OLFM3: variants seen among roughly 807,000 people sequenced by gnomAD.
The protein encoded by OLFM3 is noelin-3.
In OLFM3, 20 loss-of-function variants were observed where a neutral mutation model predicts 48.6. The observed-to-expected ratio is 0.41, with a 90% confidence interval of 0.29 to 0.60. The LOEUF (loss-of-function observed/expected upper bound fraction) is 0.60, where lower values mean the gene tolerates loss of function less well. OLFM3 is among the 20% of genes least tolerant of loss of function. The pLI is 0.28. For synonymous variants in OLFM3, 222 were observed against 198.1 expected (o/e 1.12, Z -1.01); for missense variants, 437 against 544.3 (o/e 0.80, Z 1.96).
intron 2 of OLFM3, among the ~76,000 whole-genome samples, chr1:101,834,536 A>C (rs977023079): frequency 2.6e-5 from 4 of 152,196 alleles, no homozygotes; most frequent in African/African-American, 9.6e-5. Context: ...GGACTGGCTC[A>C]GTCTGAAATA....
At chr1:101,948,501 G>C (rs1401953439) in intron 1 of OLFM3, among the ~76,000 whole-genome samples, 2 of 151,902 alleles carry the variant, frequency 1.3e-5, no homozygotes, top group Non-Finnish European at 2.9e-5. Flanking sequence ...AGTCAGATTT[G>C]TTTAGGTAAT....
chr1:101,812,222 T>C (rs1426259378), intron 4 of OLFM3, among the ~76,000 whole-genome samples: 1 of 152,004 alleles, frequency 6.6e-6, no homozygotes, highest in East Asian at 1.9e-4. Flanking sequence ...TATTAGGAGA[T>C]ATACCTAATG....
Position 101,966,317 on chromosome 1 carries a change from T to TTGTGTGTGTGTG in OLFM3, c.69+30419_69+30430dup, listed in dbSNP as rs60173488. Among the ~76,000 whole-genome samples, 115 of 128,146 alleles carry TTGTGTGTGTGTG rather than the reference T, an allele frequency of 9.0e-4. 1 individual carries two copies. The highest frequency in any genetic ancestry group is 1.2e-3 in the African/African-American group (39 of 33,588). The allele number at this position is 128,146 out of a possible 152,430, so 84.1% of individuals were successfully genotyped here. ...GTAGCTGGCACCACACCTGGCTAAT[T>TTGTGTGTGTGTG]TGTGTGTGTGTGTGTGTGTGTGTGT... On this transcript the variant is annotated intron_variant, in intron 1 of 5. Transcript: ENST00000370103.
At chr1:101,862,713 T>C (rs1422978238) in intron 1 of OLFM3, among the ~76,000 whole-genome samples, 5 of 152,210 alleles carry the variant, frequency 3.3e-5, no homozygotes, top group Non-Finnish European at 7.3e-5. Flanking sequence ...TAAACAGACT[T>C]GCAGAGAAAT....
At chr1:101,994,280 A>G (rs1293414541) in intron 1 of OLFM3, among the ~76,000 whole-genome samples, 2 of 150,992 alleles carry the variant, frequency 1.3e-5, no homozygotes, top group Non-Finnish European at 3.0e-5. Context: ...ATGATGACCC[A>G]TATCACTCCA....
At chr1:101,963,550 T>C (rs1177628501) in intron 1 of OLFM3, among the ~76,000 whole-genome samples, 1 of 137,848 alleles carries the variant, frequency 7.3e-6, no homozygotes, top group Non-Finnish European at 1.6e-5. Flanking sequence ...CTTGACTCTT[T>C]TAGGAGAAAT....
chr1:101,846,983 G>A, intron 1 of OLFM3: 1 of 1,608,364 alleles, frequency 6.2e-7, no homozygotes, highest in Non-Finnish European at 8.5e-7. Context: ...TTGCTGTGGA[G>A]CTAATGAGTT....
At chr1:101,808,050 CTGA>C (rs558397121) in intron 4 of OLFM3, among the ~76,000 whole-genome samples, 213 of 151,832 alleles carry the variant, frequency 1.4e-3, no homozygotes, top group African/African-American at 5.0e-3. Flanking sequence ...TTTTAATCAA[CTGA>C]TGATATGAGC....
intron 1 of OLFM3, among the ~76,000 whole-genome samples, chr1:101,854,840 C>T (rs2100953598): frequency 6.6e-6 from 1 of 152,096 alleles, no homozygotes; most frequent in African/African-American, 2.4e-5. Context: ...GTGGTGTTCT[C>T]ATGTGTAAAT....
Position 101,996,805 on chromosome 1 carries a change from C to T in OLFM3, c.12G>A (p.Thr4=). MQA[T]SNLLNLLLLS... Reference sequence around the variant, plus strand: ...GCAGCAGGAGGTTGAGAAGGTTGGACGTCGCCTGCATTCTGATCTGGGTTT... The same window carrying T: ...GCAGCAGGAGGTTGAGAAGGTTGGATGTCGCCTGCATTCTGATCTGGGTTT... The change falls in exon 1 of 6, where the codon ACG becomes ACA. Residue 4 remains threonine (T), a synonymous_variant. Coordinates refer to ENST00000370103, the MANE Select transcript of OLFM3 (RefSeq NM_058170.4). 3 of 1,614,248 alleles carry T rather than the reference C, an allele frequency of 1.9e-6. No homozygotes were observed. Among genetic ancestry groups the T allele is most frequent in the Non-Finnish European group, 2.5e-6 (3 of 1,180,042 alleles).
intron 4 of OLFM3, among the ~76,000 whole-genome samples, chr1:101,821,593 C>T (rs1169213857): frequency 6.6e-6 from 1 of 151,866 alleles, no homozygotes; most frequent in Non-Finnish European, 1.5e-5. Context: ...GTTAATTGAC[C>T]TAAACATGTT....
intron 4 of OLFM3, among the ~76,000 whole-genome samples, chr1:101,808,770 A>G (rs558717726): frequency 6.6e-6 from 1 of 151,934 alleles, no homozygotes; most frequent in African/African-American, 2.4e-5. Flanking sequence ...TTTATTGTTC[A>G]AAACTTTAAA....
intron 1 of OLFM3, among the ~76,000 whole-genome samples, chr1:101,907,474 A>C (rs1315698515): frequency 6.6e-6 from 1 of 152,220 alleles, no homozygotes; most frequent in Non-Finnish European, 1.5e-5. Context: ...ATAGAGAAAA[A>C]TAACCAGGAC....
chr1:101,968,393 T>C (rs561910586), intron 1 of OLFM3, among the ~76,000 whole-genome samples: 7 of 152,242 alleles, frequency 4.6e-5, no homozygotes, highest in African/African-American at 1.7e-4. Context: ...GAGCTTAGGT[T>C]TTCCAATTAA....
chr1:101,933,351 A>G (rs1467900974), intron 1 of OLFM3, among the ~76,000 whole-genome samples: 1 of 152,068 alleles, frequency 6.6e-6, no homozygotes, highest in East Asian at 1.9e-4. Context: ...AACCAAACTG[A>G]CGAAAGAATC....
intron 1 of OLFM3, among the ~76,000 whole-genome samples, chr1:101,933,536 C>A (rs1659520696): frequency 6.6e-6 from 1 of 152,086 alleles, no homozygotes; most frequent in Admixed American, 6.5e-5. Flanking sequence ...ACTTAGAAAG[C>A]ATATGATAAT....
chr1:101,822,999 G>A (rs1320185318), intron 4 of OLFM3, among the ~76,000 whole-genome samples: 1 of 152,006 alleles, frequency 6.6e-6, no homozygotes, highest in African/African-American at 2.4e-5. Flanking sequence ...CTTGTTATGA[G>A]TAAAATAGAT....
intron 1 of OLFM3, among the ~76,000 whole-genome samples, chr1:101,870,463 C>T (rs1156684784): frequency 6.6e-6 from 1 of 152,108 alleles, no homozygotes; most frequent in Non-Finnish European, 1.5e-5. Context: ...ACACAGTTGC[C>T]TTGCAGTACC....
At chr1:101,900,576 T>A (rs1658357399) in intron 1 of OLFM3, among the ~76,000 whole-genome samples, 1 of 151,964 alleles carries the variant, frequency 6.6e-6, no homozygotes. Context: ...GGCAAGAAAG[T>A]GTTTGGCCTG....
Sources: allele counts gnomAD v4.1 joint callset (sites outside exome capture counted in the v4.1 genomes callset), GRCh38; gene constraint gnomAD v4.1.1; transcripts MANE v1.5; gene names NCBI Gene and HGNC (gene_info 2026-07-23, HGNC 2026-07-21).